Variants in FOXN2 observed in about 807,000 individuals in gnomAD.
The protein encoded by FOXN2 is forkhead box N2, also known as forkhead box protein N2.
FOXN2 carries 19 observed loss-of-function variants against 41.2 expected under a neutral mutation model. That is an observed-to-expected ratio of 0.46 (90% CI 0.32 to 0.68). The LOEUF is 0.68. Among genes scored for constraint, FOXN2 ranks in the 30% least tolerant of loss-of-function variants. The pLI is 0.03. For missense variants in FOXN2, 587 were observed against 509.4 expected (o/e 1.15, Z -1.47); for synonymous variants, 195 against 176.8 (o/e 1.10, Z -0.82).
intron 2 of FOXN2, among the ~76,000 whole-genome samples, chr2:48,332,065 A>G (rs141391511): frequency 3.9e-5 from 6 of 152,312 alleles, no homozygotes; most frequent in African/African-American, 1.4e-4. Context: ...GAAACAGAAT[A>G]GTACATTCTA....
intron 3 of FOXN2, among the ~76,000 whole-genome samples, chr2:48,347,220 C>CTTGTTT (rs1671166162): frequency 1.3e-5 from 1 of 75,738 alleles, no homozygotes; most frequent in East Asian, 4.6e-4. Flanking sequence ...TGTTTTGGTG[C>CTTGTTT]TTTTTTTTTT....
chr2:48,335,509 A>G (rs375090414), intron 2 of FOXN2, among the ~76,000 whole-genome samples: 1 of 152,250 alleles, frequency 6.6e-6, no homozygotes, highest in Non-Finnish European at 1.5e-5. Flanking sequence ...GTAGTGGACT[A>G]TGAAATGATA....
intron 6 of FOXN2, among the ~76,000 whole-genome samples, chr2:48,373,795 T>A (rs955197488): frequency 2.6e-5 from 4 of 152,188 alleles, no homozygotes; most frequent in African/African-American, 9.7e-5. Flanking sequence ...GGCTCACGTC[T>A]GTAATCCTAG....
chr2:48,342,566 G>GT (rs1282482619), intron 2 of FOXN2, among the ~76,000 whole-genome samples: 1 of 151,864 alleles, frequency 6.6e-6, no homozygotes, highest in East Asian at 1.9e-4. Flanking sequence ...TTTAAAATAA[G>GT]TTTTTTATAT....
intron 3 of FOXN2, among the ~76,000 whole-genome samples, chr2:48,354,868 T>G (rs905379250): frequency 1.3e-5 from 2 of 152,196 alleles, no homozygotes; most frequent in Non-Finnish European, 2.9e-5. Flanking sequence ...GTGAGGGACA[T>G]TCAAATTAAA....
In FOXN2 at chr2:48,375,396, CTAA is replaced by C; in HGVS notation, c.1253_1255del (p.Ile418del). The C allele has an allele frequency of 1.2e-6, 2 of 1,613,268 alleles. No individual in the cohort carries two copies. Among genetic ancestry groups the C allele is most frequent in the Non-Finnish European group, 1.7e-6 (2 of 1,179,740 alleles). ...TGGAATTCGTACATGTTTAGGTTCC[CTAA>C]TAAGTACTGCAAAGACACAAAATCA... On this transcript the variant is annotated inframe_deletion, in exon 7 of 7. Transcript: ENST00000340553.
In FOXN2 at chr2:48,375,565, A is replaced by G. The variant is rs1251890978; in HGVS notation, c.*122A>G. ...ACTAATTACTTATTTCTTTCAAAAC[A>G]TTTTTGGTTTTTGGTTTTTAAAATT... On this transcript the variant is annotated 3_prime_UTR_variant, in exon 7 of 7. Transcript: ENST00000340553. 4 of 1,121,028 alleles carry G rather than the reference A, an allele frequency of 3.6e-6. No individual in the cohort carries two copies. The South Asian group carries it at 5.2e-5, about 15-fold the overall frequency. 69.4% of individuals were successfully genotyped at this position (1,121,028 alleles called of 1,614,324 possible).
At chr2:48,337,553 A>C (rs1389726909) in intron 2 of FOXN2, among the ~76,000 whole-genome samples, 1 of 151,592 alleles carries the variant, frequency 6.6e-6, no homozygotes, top group African/African-American at 2.4e-5. Flanking sequence ...TGACCCGCCC[A>C]CCTCTGCCTC....
chr2:48,352,970 C>T (rs1219698580), intron 3 of FOXN2, among the ~76,000 whole-genome samples: 2 of 152,062 alleles, frequency 1.3e-5, no homozygotes, highest in African/African-American at 4.8e-5. Flanking sequence ...GGCCTTAGTT[C>T]AGGTCTTCCC....
chr2:48,355,660 G>A (rs1307695296), intron 3 of FOXN2, among the ~76,000 whole-genome samples: 2 of 152,104 alleles, frequency 1.3e-5, no homozygotes, highest in Non-Finnish European at 2.9e-5. Context: ...CTAAATGTTA[G>A]CATTGCATTT....
intron 3 of FOXN2, among the ~76,000 whole-genome samples, chr2:48,348,587 T>C (rs1371774157): frequency 6.6e-6 from 1 of 152,202 alleles, no homozygotes; most frequent in Non-Finnish European, 1.5e-5. Flanking sequence ...CGGAAGTATG[T>C]AATATTTCTA....
chr2:48,362,923 G>C (rs1672289495), intron 5 of FOXN2, among the ~76,000 whole-genome samples: 1 of 152,130 alleles, frequency 6.6e-6, no homozygotes. Context: ...TGCTAGTCCT[G>C]TAAAAGTATA....
intron 4 of FOXN2, among the ~76,000 whole-genome samples, chr2:48,359,618 T>A (rs1257634255): frequency 4.8e-5 from 7 of 146,210 alleles, no homozygotes; most frequent in African/African-American, 1.7e-4. Flanking sequence ...TTTTCTTTTC[T>A]TTTCTTTTTT....
rs774071084 is a variant in FOXN2 at position 48,346,364 on chromosome 2, G to C, written c.150G>C (p.Glu50Asp). ...CGAAGGCCACTCTAGTGGACAGTGA[G>C]TCAGCAGATGATGAACTCACAAACT... ...ARPKATLVDSESADDELTNLN... is the reference protein window; with the variant it reads ...ARPKATLVDSDSADDELTNLN... The change falls in exon 3 of 7, where the codon GAG (glutamate) becomes GAC (aspartate). Residue 50 changes from glutamate to aspartate, a missense_variant. Physicochemically the swap from Glu to Asp is conservative, Grantham distance 45 (BLOSUM62 2). Transcript: ENST00000340553. The C allele has an allele frequency of 1.3e-5, 21 of 1,614,090 alleles. No individual in the cohort carries two copies. The highest frequency in any genetic ancestry group is 1.0e-5 in the Non-Finnish European group (12 of 1,180,034).
chr2:48,368,840 T>G (rs1186491545), intron 5 of FOXN2, among the ~76,000 whole-genome samples: 1 of 152,248 alleles, frequency 6.6e-6, no homozygotes, highest in Non-Finnish European at 1.5e-5. Flanking sequence ...TCTATTATGA[T>G]GGTGATTTGG....
chr2:48,338,023 A>G (rs1034023253), intron 2 of FOXN2, among the ~76,000 whole-genome samples: 3 of 152,210 alleles, frequency 2.0e-5, no homozygotes, highest in Non-Finnish European at 4.4e-5. Context: ...CACCATAGAA[A>G]CATCAAATGA....
At chr2:48,333,133 T>TATATA (rs1670119438) in intron 2 of FOXN2, among the ~76,000 whole-genome samples, 1 of 152,160 alleles carries the variant, frequency 6.6e-6, no homozygotes, top group Non-Finnish European at 1.5e-5. Context: ...ATTTTATAAT[T>TATATA]ATATAATATT....
At chr2:48,334,370 G>A (rs1159343324) in intron 2 of FOXN2, among the ~76,000 whole-genome samples, 2 of 152,290 alleles carry the variant, frequency 1.3e-5, no homozygotes, top group Admixed American at 1.3e-4. Flanking sequence ...CTTGTTAGAA[G>A]TATGTCAGAC....
At chr2:48,356,684 G>A (rs1184265358) in intron 3 of FOXN2, among the ~76,000 whole-genome samples, 1 of 152,148 alleles carries the variant, frequency 6.6e-6, no homozygotes, top group Non-Finnish European at 1.5e-5. Context: ...TAGTAGACAA[G>A]GTGAGCAACT....
Sources: gnomAD v4.1 joint callset for allele counts (sites outside exome capture counted in the v4.1 genomes callset) on GRCh38, gnomAD v4.1.1 for gene constraint, MANE v1.5 for transcripts, NCBI Gene and HGNC (gene_info 2026-07-23, HGNC 2026-07-21) for gene names.